The following SCN10A variants were observed in gnomAD, a reference collection of about 807,000 sequenced individuals.
The protein encoded by SCN10A is sodium channel protein type 10 subunit alpha.
Under a neutral mutation model 170.7 loss-of-function variants are expected in SCN10A, and 162 were observed. The ratio of observed to expected loss-of-function variants is 0.95; its 90% confidence interval spans 0.84 to 1.08. The LOEUF (loss-of-function observed/expected upper bound fraction) is 1.08. Ranked by LOEUF, SCN10A falls within the 50% of genes least tolerant of loss-of-function variation. The pLI is 0.00. For synonymous variants in SCN10A, 985 were observed against 904.6 expected, an observed-to-expected ratio of 1.09 and a Z score of -1.59; for missense variants, 2,527 against 2,436.9, an observed-to-expected ratio of 1.04 and a Z score of -0.78.
chr3:38,793,795 T>C lies in SCN10A; in HGVS notation c.216A>G (p.Ala72=), dbSNP rs779200595. Residue 72 remains alanine (A), a synonymous_variant, in exon 2 of 28, where the codon GCA becomes GCG. Transcript: ENST00000449082. Reference sequence around the variant, plus strand: ...CCTCCAGGGGCTCCCCGATCAGTTCTGCTGGGAGCTCACCATAGAACTTGG... The same window carrying C: ...CCTCCAGGGGCTCCCCGATCAGTTCCGCTGGGAGCTCACCATAGAACTTGG... ...QLPKFYGELP[A]ELIGEPLEDL... 1.9e-6 allele frequency: 3 copies of C among 1,613,970 alleles called. No individual in the cohort carries two copies. In the South Asian group the frequency reaches 3.3e-5, roughly 18 times the overall value.
Position 38,697,784 on chromosome 3 carries a change from T to C in SCN10A, c.5436A>G (p.Leu1812=), listed in dbSNP as rs201753955. 1.4e-4 allele frequency: 223 copies of C among 1,614,044 alleles called. No individual in the cohort carries two copies. The highest frequency in any genetic ancestry group is 1.8e-4 in the Non-Finnish European group (215 of 1,180,028). ...DILFAFTKNV[L]GESGELDSLK... ...GAGAATCCAACTCCCCGGATTCTCC[T>C]AGGACATTCTTGGTGAAAGCAAAAA... Residue 1812 remains leucine (L), a synonymous_variant, in exon 28 of 28, where the codon CTA becomes CTG. Coordinates refer to ENST00000449082, the MANE Select transcript of SCN10A (RefSeq NM_006514.4).
At chr3:38,767,493 G>A (rs1299759665) in intron 5 of SCN10A, among the ~76,000 whole-genome samples, 1 of 151,816 alleles carries the variant, frequency 6.6e-6, no homozygotes, top group Non-Finnish European at 1.5e-5. Flanking sequence ...TTTCATTGTT[G>A]ACCCAAAGAT....
chr3:38,790,820 T>G (rs2064271865), intron 3 of SCN10A, among the ~76,000 whole-genome samples: 1 of 152,152 alleles, frequency 6.6e-6, no homozygotes, highest in African/African-American at 2.4e-5. Context: ...TTTGAACTGA[T>G]GATGGTATTG....
Position 38,732,060 on chromosome 3 carries a change from A to G in SCN10A, c.2281-3159T>C, listed in dbSNP as rs186334861. On this transcript the variant is annotated intron_variant, in intron 15 of 27. Transcript: ENST00000449082. ...CACTGGCTCTATAACAAAGGTATAAAGAGCAAGAAAGTGCTAAGCATGAGA... is the reference window on the plus strand; with the variant it reads ...CACTGGCTCTATAACAAAGGTATAAGGAGCAAGAAAGTGCTAAGCATGAGA... 5.8e-4 allele frequency among the ~76,000 whole-genome samples: 89 copies of G among 152,376 alleles called. 1 individual carries two copies. Among genetic ancestry groups the G allele is most frequent in the Admixed American group, 5.4e-3 (82 of 15,310 alleles).
At chr3:38,722,515 ATGCCCTTGG>A in intron 19 of SCN10A, 103 bp from the exon 20 acceptor site, 3 of 1,374,170 alleles carry the variant, frequency 2.2e-6, no homozygotes, top group African/African-American at 2.9e-5. Flanking sequence ...CCCACTTGTC[ATGCCCTTGG>A]AAAAAAATTC....
chr3:38,735,495 C>A (rs1319787795), intron 15 of SCN10A, among the ~76,000 whole-genome samples: 2 of 152,156 alleles, frequency 1.3e-5, no homozygotes, highest in Non-Finnish European at 2.9e-5. Context: ...ATAAGTCTTC[C>A]CAAATTGACC....
At chr3:38,747,813 T>C (rs1291901557) in intron 13 of SCN10A, among the ~76,000 whole-genome samples, 2 of 152,248 alleles carry the variant, frequency 1.3e-5, no homozygotes, top group Non-Finnish European at 2.9e-5. Context: ...GCTTCTTACA[T>C]AGCTGATTCC....
At position 38,726,861 on chromosome 3, in the gene SCN10A, C is replaced by A. The variant is rs141861200; in HGVS notation, c.2832G>T (p.Glu944Asp). The A allele has an allele frequency of 9.9e-6, 16 of 1,614,092 alleles. No individual in the cohort carries two copies. The highest frequency in any genetic ancestry group is 1.3e-5 in the Non-Finnish European group (15 of 1,180,036). ...GTGGGAGTTTCACCACCAGCTCAGG[C>A]TCTGCCTTGGGCTGGGGGAATGGGC... ...RSCPFPQPKA[E>D]PELVVKLPLS... Residue 944 changes from glutamate to aspartate, a missense_variant, in exon 17 of 28, where the codon GAG (glutamate) becomes GAT (aspartate). Coordinates refer to ENST00000449082, the MANE Select transcript of SCN10A (RefSeq NM_006514.4).
intron 1 of SCN10A, among the ~76,000 whole-genome samples, chr3:38,802,726 G>A (rs1266068559): frequency 1.3e-5 from 2 of 152,102 alleles, no homozygotes; most frequent in South Asian, 2.1e-4. Context: ...TACCATTTAG[G>A]ACATAGGCAT....
rs267599808 is a variant in SCN10A at position 38,756,854 on chromosome 3, C to A, written c.1110G>T (p.Gly370=). 5.5e-5 allele frequency: 88 copies of A among 1,614,034 alleles called. No homozygotes were observed. The highest frequency in any genetic ancestry group is 7.0e-5 in the Non-Finnish European group (83 of 1,180,040). Reference sequence around the variant, plus strand: ...GCACAAAAAAGATCATATAGATTTTCCCAGAAGTCCTCAGGGTCTGCAGGT... The same window carrying A: ...GCACAAAAAAGATCATATAGATTTTACCAGAAGTCCTCAGGGTCTGCAGGT... The part of the protein sequence containing the change: ...RLYQQTLRTS[G]KIYMIFFVLV... Residue 370 remains glycine (G), a synonymous_variant, in exon 10 of 28, where the codon GGG becomes GGT. Coordinates refer to ENST00000449082, the MANE Select transcript of SCN10A (RefSeq NM_006514.4).
intron 20 of SCN10A, 31 bp from the exon 21 acceptor site, chr3:38,718,857 G>A (rs893954534): frequency 1.9e-6 from 3 of 1,607,398 alleles, no homozygotes; most frequent in Non-Finnish European, 2.6e-6. Flanking sequence ...AGAATGGCAG[G>A]CTGCCTGGAC....
At chr3:38,750,051 C>A (rs143709643) in intron 13 of SCN10A, 22 bp downstream of exon 13, 3 of 1,300,990 alleles carry the variant, frequency 2.3e-6, no homozygotes, top group Non-Finnish European at 3.3e-6. Flanking sequence ...AGTGGATGAA[C>A]AATGCAGTGA....
chr3:38,702,088 A>T lies in SCN10A; in HGVS notation c.4408T>A (p.Phe1470Ile). Residue 1470 changes from phenylalanine (F) to isoleucine (I), a missense_variant, in exon 27 of 28, where the codon TTT becomes ATT. Phe to Ile is a conservative substitution (Grantham distance 21). Coordinates refer to ENST00000449082, the MANE Select transcript of SCN10A (RefSeq NM_006514.4). ...RPLNKFQGFV[F>I]DIVTRQAFDI... ...AAAGCTTGTCTGGTCACGATGTCAA[A>T]GACAAAACCCTGGAACTTGTTCTGA... 6.4e-7 allele frequency: 1 copy of T among 1,566,106 alleles called. No individual in the cohort carries two copies. Among genetic ancestry groups the T allele is most frequent in the Non-Finnish European group, 8.6e-7 (1 of 1,157,426 alleles).
intron 8 of SCN10A, among the ~76,000 whole-genome samples, chr3:38,757,707 A>C (rs548890238): frequency 2.0e-5 from 3 of 152,228 alleles, no homozygotes; most frequent in Non-Finnish European, 4.4e-5. Context: ...GAAAGAAGTC[A>C]GTTGCCTAAA....
chr3:38,775,933 T>C (rs1252631044), intron 4 of SCN10A, among the ~76,000 whole-genome samples: 1 of 152,158 alleles, frequency 6.6e-6, no homozygotes, highest in Non-Finnish European at 1.5e-5. Flanking sequence ...TATAGTTTTG[T>C]TGTCTTCTCA....
chr3:38,798,056 C>A (rs2064350430), intron 1 of SCN10A, among the ~76,000 whole-genome samples: 1 of 152,146 alleles, frequency 6.6e-6, no homozygotes, highest in Non-Finnish European at 1.5e-5. Context: ...ATATTCCCAT[C>A]TATTACCCAG....
intron 15 of SCN10A, among the ~76,000 whole-genome samples, chr3:38,738,592 A>C (rs973695570): frequency 3.3e-5 from 5 of 151,836 alleles, no homozygotes; most frequent in African/African-American, 1.2e-4. Flanking sequence ...TTGTTTTGTC[A>C]CCTCTCTTCA....
rs769789991 is a variant in SCN10A, at chr3:38,793,703, AAG to A, written c.270+36_270+37del. ...TGGGTGGGACCGAGACTTCCTCTCC[AAG>A]AGCTGAGAGCAGACATTCCTACTAG... On this transcript the variant is annotated intron_variant, in intron 2 of 27. Transcript: ENST00000449082. The A allele has an allele frequency of 1.0e-5, 16 of 1,592,586 alleles. No homozygotes were observed. The African/African-American group carries it at 2.2e-4, about 21-fold the overall frequency.
intron 8 of SCN10A, among the ~76,000 whole-genome samples, chr3:38,759,494 G>T (rs540629515): frequency 2.6e-5 from 4 of 151,920 alleles, no homozygotes; most frequent in African/African-American, 9.7e-5. Context: ...GCCTCACACC[G>T]CCACCTCACT....
Sources: allele counts gnomAD v4.1 joint callset (sites outside exome capture counted in the v4.1 genomes callset), GRCh38; gene constraint gnomAD v4.1.1; transcripts MANE v1.5; gene names NCBI Gene and HGNC (gene_info 2026-07-23, HGNC 2026-07-21).